The following AKAP3 variants were observed in gnomAD, a reference collection of about 807,000 sequenced individuals.
AKAP3 encodes the protein A-kinase anchor protein 3.
A neutral mutation model predicts 57.2 loss-of-function variants in AKAP3; 27 were observed. That is an observed-to-expected ratio of 0.47 (90% CI 0.35 to 0.65). The LOEUF (loss-of-function observed/expected upper bound fraction) is 0.65. Ranked by LOEUF, AKAP3 falls within the 30% of genes least tolerant of loss-of-function variation. The probability of loss-of-function intolerance (pLI) is 0.01; values close to 1 mark genes in which losing one functional copy is unlikely to be tolerated. For missense variants in AKAP3, 959 were observed against 1,040.0 expected (o/e 0.92, Z 1.07); for synonymous variants, 334 against 392.3 (o/e 0.85, Z 1.76).
intron 4 of AKAP3, among the ~76,000 whole-genome samples, chr12:4,634,366 C>A (rs1459192006): frequency 6.6e-6 from 1 of 152,150 alleles, no homozygotes; most frequent in African/African-American, 2.4e-5. Flanking sequence ...AGTAACTGTA[C>A]ATTTTGTATA....
At chr12:4,640,310 T>A (rs1021506599) in intron 3 of AKAP3, among the ~76,000 whole-genome samples, 6 of 152,248 alleles carry the variant, frequency 3.9e-5, no homozygotes, top group African/African-American at 1.4e-4. Flanking sequence ...TGTGCTTTGA[T>A]TCCAACAAAA....
At chr12:4,640,147 A>G (rs61911370) in intron 3 of AKAP3, among the ~76,000 whole-genome samples, 1,588 of 152,240 alleles carry the variant, frequency 0.01, 14 homozygotes, top group Non-Finnish European at 0.017. Flanking sequence ...CCAGTCTATC[A>G]TTGATGGACA....
rs974825081 is a variant in AKAP3, at chr12:4,648,978, C to T, written c.-478G>A. 1.3e-5 allele frequency: 11 copies of T among 863,192 alleles called. No homozygotes were observed. Among genetic ancestry groups the T allele is most frequent in the Middle Eastern group, 4.8e-4 (2 of 4,162 alleles). 53.5% of individuals were successfully genotyped at this position (863,192 alleles called of 1,614,324 possible). ...CTTCCTTTCTTCCCCCTCTCCTTCACTTTCCCAGCTTTCTTCTTAACCAAC... is the reference window on the plus strand; with the variant it reads ...CTTCCTTTCTTCCCCCTCTCCTTCATTTTCCCAGCTTTCTTCTTAACCAAC... On this transcript the variant is annotated 5_prime_UTR_variant, in exon 1 of 6. The change creates a new upstream start codon in the 5' untranslated region. Coordinates refer to ENST00000228850, the MANE Select transcript of AKAP3 (RefSeq NM_001278309.2).
intron 4 of AKAP3, 34 bp from the exon 5 acceptor site, chr12:4,628,839 CA>C (rs1462701932): frequency 1.3e-6 from 2 of 1,564,704 alleles, no homozygotes; most frequent in Admixed American, 3.6e-5. Flanking sequence ...CTGACTATAA[CA>C]AAGTAAAGAT....
intron 2 of AKAP3, among the ~76,000 whole-genome samples, chr12:4,644,080 A>G (rs901145358): frequency 1.8e-4 from 27 of 152,238 alleles, no homozygotes; most frequent in African/African-American, 4.3e-4. Context: ...TGCTGATTAA[A>G]TAAGAATTTC....
intron 5 of AKAP3, among the ~76,000 whole-genome samples, chr12:4,622,785 T>G (rs747352062): frequency 3.3e-5 from 5 of 152,170 alleles, no homozygotes; most frequent in Non-Finnish European, 7.3e-5. Context: ...AAATGGGATC[T>G]AATTAAATTT....
chr12:4,621,670 G>A (rs545522168), intron 5 of AKAP3, among the ~76,000 whole-genome samples: 3 of 152,190 alleles, frequency 2.0e-5, no homozygotes, highest in South Asian at 4.1e-4. Flanking sequence ...TGTAAGTACC[G>A]TCTATTATGT....
chr12:4,623,714 T>C (rs866821014), intron 5 of AKAP3, among the ~76,000 whole-genome samples: 4 of 152,066 alleles, frequency 2.6e-5, no homozygotes, highest in African/African-American at 4.8e-5. Context: ...AGTTTACCTA[T>C]ATAACAAACA....
intron 4 of AKAP3, among the ~76,000 whole-genome samples, chr12:4,630,355 A>G (rs1244941721): frequency 4.6e-5 from 7 of 152,252 alleles, no homozygotes; most frequent in Non-Finnish European, 7.3e-5. Flanking sequence ...ATAGTTTGCC[A>G]GGCATCTCAC....
In AKAP3 at chr12:4,615,534, T is replaced by A. The variant is rs955613503; in HGVS notation, c.*205A>T. ...GTGGAGCCCTTTAATTGTAATTTTT[T>A]AATTTTACGTCCTTGCTTGCATGGA... On this transcript the variant is annotated 3_prime_UTR_variant, in exon 6 of 6. Transcript: ENST00000228850. 79 of 543,158 alleles carry A rather than the reference T, an allele frequency of 1.5e-4. No individual in the cohort carries two copies. The highest frequency in any genetic ancestry group is 4.6e-4 in the African/African-American group (24 of 52,036). The allele number at this position is 543,158 out of a possible 1,614,324, so 33.6% of individuals were successfully genotyped here.
intron 2 of AKAP3, among the ~76,000 whole-genome samples, chr12:4,644,074 G>T (rs1267183621): frequency 6.6e-6 from 1 of 152,156 alleles, no homozygotes; most frequent in Non-Finnish European, 1.5e-5. Flanking sequence ...CTTGGTTGCT[G>T]ATTAAATAAG....
chr12:4,638,341 A>G, intron 3 of AKAP3, 145 bp from the exon 4 acceptor site: 1 of 639,180 alleles, frequency 1.6e-6, no homozygotes, highest in Non-Finnish European at 2.8e-6. Context: ...CTTCAGAACC[A>G]CTCCACCCTG....
chr12:4,617,733 C>G (rs920698150), intron 5 of AKAP3, among the ~76,000 whole-genome samples: 1 of 135,304 alleles, frequency 7.4e-6, no homozygotes, highest in Non-Finnish European at 1.5e-5. Flanking sequence ...GCCTGAGCAA[C>G]AGAGTGAGAT....
intron 4 of AKAP3, among the ~76,000 whole-genome samples, chr12:4,633,346 G>A (rs1945523335): frequency 6.6e-6 from 1 of 152,068 alleles, no homozygotes; most frequent in South Asian, 2.1e-4. Flanking sequence ...GATTTACAAT[G>A]GAGTCCACAG....
chr12:4,628,031 T>C lies in AKAP3; in HGVS notation c.871A>G (p.Ser291Gly). 6.2e-7 allele frequency: 1 copy of C among 1,614,146 alleles called. No individual in the cohort carries two copies. Among genetic ancestry groups the C allele is most frequent in the Non-Finnish European group, 8.5e-7 (1 of 1,180,008 alleles). Reference protein sequence around the residue: ...VSEGIMTYANSVVSDMMVSIM... With the variant: ...VSEGIMTYANGVVSDMMVSIM... ...GAGACCATCATATCAGATACCACAC[T>C]GTTAGCATAGGTCATGATCCCTTCA... Residue 291 changes from serine to glycine, a missense_variant, in exon 5 of 6, where the codon AGT becomes GGT. By Grantham distance (56) the Ser-to-Gly change is moderately conservative (BLOSUM62 0). Transcript: ENST00000228850.
intron 4 of AKAP3, among the ~76,000 whole-genome samples, chr12:4,633,281 T>C (rs10444481): frequency 0.26 from 38,826 of 151,648 alleles, 5,675 homozygotes; most frequent in South Asian, 0.43. Context: ...TTTTAAAAGA[T>C]AAATAAAATT....
In AKAP3 at chr12:4,623,110, A is replaced by T. The variant is rs576993043; in HGVS notation, c.2406+3386T>A. 8.5e-5 allele frequency among the ~76,000 whole-genome samples: 13 copies of T among 152,144 alleles called. No individual in the cohort carries two copies. In the South Asian group the frequency reaches 2.7e-3, roughly 32 times the overall value. On this transcript the variant is annotated intron_variant, in intron 5 of 5. Coordinates refer to ENST00000228850, the MANE Select transcript of AKAP3 (RefSeq NM_001278309.2). ...ACCAGTTAGAATGGCTATTATTAAA[A>T]GTAATGGCAAGGATGTGGAGAAAAG...
At chr12:4,633,813 T>A (rs1026307104) in intron 4 of AKAP3, among the ~76,000 whole-genome samples, 20 of 150,366 alleles carry the variant, frequency 1.3e-4, no homozygotes, top group African/African-American at 4.4e-4. Context: ...TAAACATACC[T>A]TATAAAATTT....
chr12:4,636,778 G>A (rs1027858616), intron 4 of AKAP3, among the ~76,000 whole-genome samples: 1 of 152,086 alleles, frequency 6.6e-6, no homozygotes. Context: ...TTGAGACAAG[G>A]TCTCACTGTT....
Sources: allele counts gnomAD v4.1 joint callset (sites outside exome capture counted in the v4.1 genomes callset), GRCh38; gene constraint gnomAD v4.1.1; transcripts MANE v1.5; gene names NCBI Gene and HGNC (gene_info 2026-07-23, HGNC 2026-07-21).